Variants in STK38 observed in about 807,000 individuals in gnomAD.
STK38 encodes the protein serine/threonine kinase 38, also known as serine/threonine-protein kinase 38.
Under a neutral mutation model 59.0 loss-of-function variants are expected in STK38, and 26 were observed. The ratio of observed to expected loss-of-function variants is 0.44; its 90% CI spans 0.32 to 0.61. The LOEUF (loss-of-function observed/expected upper bound fraction) is 0.61, where lower values mean the gene tolerates loss of function less well. Ranked by LOEUF, STK38 falls within the 20% of genes least tolerant of loss-of-function variation. STK38 has a pLI of 0.04. For missense variants in STK38, 433 were observed against 566.0 expected (o/e 0.76, Z 2.38); for synonymous variants, 175 against 176.6 (o/e 0.99, Z 0.07).
intron 1 of STK38, among the ~76,000 whole-genome samples, chr6:36,545,629 C>T (rs1778038944): frequency 6.6e-6 from 1 of 152,128 alleles, no homozygotes; most frequent in African/African-American, 2.4e-5. Context: ...ATTAATATTG[C>T]CCTATAGCAA....
chr6:36,525,557 G>A, intron 3 of STK38, 34 bp downstream of exon 3: 1 of 1,602,744 alleles, frequency 6.2e-7, no homozygotes, highest in Non-Finnish European at 8.5e-7. Context: ...CTGCCACGCT[G>A]GGTTTTAAGG....
chr6:36,510,974 AAGT>A (rs1365209840), intron 7 of STK38, among the ~76,000 whole-genome samples: 1 of 152,186 alleles, frequency 6.6e-6, no homozygotes, highest in Non-Finnish European at 1.5e-5. Flanking sequence ...CCTAAGGAAA[AAGT>A]AGGTGTCTTA....
chr6:36,517,609 G>A (rs1459696592), intron 6 of STK38, 108 bp downstream of exon 6: 1 of 1,449,768 alleles, frequency 6.9e-7, no homozygotes, highest in African/African-American at 1.4e-5. Flanking sequence ...GATATAGAAA[G>A]CAACTTTGTG....
intron 7 of STK38, among the ~76,000 whole-genome samples, chr6:36,514,531 G>A (rs1258461107): frequency 6.7e-6 from 1 of 148,472 alleles, no homozygotes; most frequent in Non-Finnish European, 1.5e-5. Flanking sequence ...TTCACTTTAC[G>A]GATAAGAACA....
At chr6:36,510,840 G>A (rs540098691) in intron 7 of STK38, among the ~76,000 whole-genome samples, 15 of 152,258 alleles carry the variant, frequency 9.9e-5, no homozygotes, top group African/African-American at 3.6e-4. Context: ...CTTCCTCCCA[G>A]ACCAGGATTA....
At chr6:36,541,831 C>CTTTTTTTTTTTTTTT (rs58320889) in intron 1 of STK38, among the ~76,000 whole-genome samples, 1 of 135,940 alleles carries the variant, frequency 7.4e-6, no homozygotes, top group Non-Finnish European at 1.6e-5. Context: ...TTTTCTTTTT[C>CTTTTTTTTTTTTTTT]TTTTTTTTTT....
intron 1 of STK38, among the ~76,000 whole-genome samples, chr6:36,543,875 C>CT (rs2127494027): frequency 6.6e-6 from 1 of 152,308 alleles, no homozygotes; most frequent in African/African-American, 2.4e-5. Context: ...CTCAGATGAT[C>CT]TGACTGCCTG....
chr6:36,522,757 A>G (rs1777409243), intron 4 of STK38, among the ~76,000 whole-genome samples: 2 of 149,920 alleles, frequency 1.3e-5, no homozygotes, highest in Non-Finnish European at 3.0e-5. Flanking sequence ...TCGGGAGGCT[A>G]AGGCAGTAGA....
chr6:36,509,954 G>A (rs1777067764), intron 7 of STK38, among the ~76,000 whole-genome samples: 1 of 152,218 alleles, frequency 6.6e-6, no homozygotes, highest in African/African-American at 2.4e-5. Context: ...TTTCAAAAGA[G>A]AGAAAGTACG....
chr6:36,510,648 C>A (rs1777086932), intron 7 of STK38, among the ~76,000 whole-genome samples: 2 of 142,862 alleles, frequency 1.4e-5, no homozygotes, highest in African/African-American at 5.3e-5. Flanking sequence ...GTATTCCAAT[C>A]ATAAATCTCT....
chr6:36,546,764 AG>A (rs1027325289), intron 1 of STK38, among the ~76,000 whole-genome samples: 1 of 152,134 alleles, frequency 6.6e-6, no homozygotes, highest in Non-Finnish European at 1.5e-5. Context: ...CCACACCCCA[AG>A]GGGGGCTTTC....
At chr6:36,529,051 G>T (rs901148019) in intron 2 of STK38, among the ~76,000 whole-genome samples, 1 of 152,070 alleles carries the variant, frequency 6.6e-6, no homozygotes, top group Non-Finnish European at 1.5e-5. Context: ...TTAGGACCAG[G>T]TCCACAAAGA....
chr6:36,540,244 G>A (rs375401186), intron 1 of STK38, 37 bp from the exon 2 acceptor site: 6 of 1,609,908 alleles, frequency 3.7e-6, no homozygotes, highest in Non-Finnish European at 5.1e-6. Context: ...TAGATTTGGA[G>A]TTAGAATCCA....
At position 36,540,218 on chromosome 6, in the gene STK38, A is replaced by G. The variant is rs1455843234; in HGVS notation, c.-5-11T>C. ...TCATTGCCATGGCTGCTAGAAACAA[A>G]GAAAAGAAGAGGTGTTAGATTTGGA... is the stretch of plus-strand genomic sequence containing the variant. On this transcript the variant is annotated splice_polypyrimidine_tract_variant and intron_variant, in intron 1 of 13. Transcript: ENST00000229812. The G allele has an allele frequency of 1.9e-5, 31 of 1,613,358 alleles. No individual in the cohort carries two copies. The highest frequency in any genetic ancestry group is 2.6e-5 in the Non-Finnish European group (31 of 1,179,708).
chr6:36,527,943 CAAA>C (rs56805046), intron 2 of STK38, among the ~76,000 whole-genome samples: 1 of 128,246 alleles, frequency 7.8e-6, no homozygotes, highest in Non-Finnish European at 1.7e-5. Flanking sequence ...ACTAAAAATA[CAAA>C]AAAAAAAAAA....
intron 13 of STK38, 72 bp downstream of exon 13, chr6:36,496,639 T>TA (rs1776709920): frequency 2.6e-6 from 3 of 1,153,914 alleles, no homozygotes; most frequent in Non-Finnish European, 3.9e-6. Context: ...CCCTGATTTG[T>TA]AAACATCATC....
At chr6:36,546,382 G>A (rs1778053075) in intron 1 of STK38, among the ~76,000 whole-genome samples, 1 of 152,126 alleles carries the variant, frequency 6.6e-6, no homozygotes, top group Non-Finnish European at 1.5e-5. Flanking sequence ...GCCTGTTATC[G>A]AGGTGGTGGT....
At chr6:36,535,786 G>C (rs1375172465) in intron 2 of STK38, among the ~76,000 whole-genome samples, 1 of 147,466 alleles carries the variant, frequency 6.8e-6, no homozygotes, top group Non-Finnish European at 1.5e-5. Flanking sequence ...TGAGACAGGA[G>C]AATAGCTTGA....
At chr6:36,506,519 G>GA in intron 9 of STK38, 64 bp downstream of exon 9, 2 of 1,539,006 alleles carry the variant, frequency 1.3e-6, no homozygotes, top group East Asian at 2.3e-5. Flanking sequence ...AAATTTATGT[G>GA]AAAATCTTTT....
Sources: gnomAD v4.1 joint callset for allele counts (sites outside exome capture counted in the v4.1 genomes callset) on GRCh38, gnomAD v4.1.1 for gene constraint, MANE v1.5 for transcripts, NCBI Gene and HGNC (gene_info 2026-07-23, HGNC 2026-07-21) for gene names.